SORCS2: variants seen among roughly 807,000 people sequenced by gnomAD.
SORCS2 encodes the protein VPS10 domain-containing receptor SorCS2.
In SORCS2, 100 loss-of-function variants were observed where a neutral mutation model predicts 141.6. The observed-to-expected ratio is 0.71, with a 90% CI of 0.60 to 0.83. The LOEUF (loss-of-function observed/expected upper bound fraction) is 0.83. SORCS2 is among the 40% of genes least tolerant of loss of function. The pLI is 0.00. For synonymous variants in SORCS2, 789 were observed against 676.9 expected (o/e 1.17, Z -2.57); for missense variants, 1,646 against 1,560.2 (o/e 1.05, Z -0.93).
intron 1 of SORCS2, among the ~76,000 whole-genome samples, chr4:7,218,801 A>G (rs903318092): frequency 6.6e-6 from 1 of 152,220 alleles, no homozygotes; most frequent in Non-Finnish European, 1.5e-5. Context: ...TGCCCGTACT[A>G]TGCCACCTTA....
chr4:7,414,943 C>G (rs1200979085), intron 2 of SORCS2, among the ~76,000 whole-genome samples: 3 of 141,942 alleles, frequency 2.1e-5, no homozygotes, highest in Non-Finnish European at 4.8e-5. Flanking sequence ...GTGAGGAGCC[C>G]TTAGTGTCTT....
At chr4:7,583,414 A>C (rs1159907934) in intron 3 of SORCS2, among the ~76,000 whole-genome samples, 1 of 152,162 alleles carries the variant, frequency 6.6e-6, no homozygotes, top group African/African-American at 2.4e-5. Flanking sequence ...CCGAAGTCAT[A>C]CCACCTCGTA....
chr4:7,318,835 A>G (rs987342797), intron 1 of SORCS2, among the ~76,000 whole-genome samples: 9 of 152,190 alleles, frequency 5.9e-5, no homozygotes, highest in Non-Finnish European at 1.2e-4. Flanking sequence ...CACCATCAAG[A>G]TATAGAATAA....
chr4:7,317,288 G>C (rs888001918), intron 1 of SORCS2, among the ~76,000 whole-genome samples: 2 of 152,208 alleles, frequency 1.3e-5, no homozygotes, highest in African/African-American at 4.8e-5. Context: ...CATGGAGGGG[G>C]CTGTTAAACC....
chr4:7,514,687 G>A lies in SORCS2; in HGVS notation c.549-16843G>A, dbSNP rs149001822. ...GTGTACAATGGACAGTGCTTAACTT[G>A]AAGCAGTGATGTTGATGACACCATG... On this transcript the variant is annotated intron_variant, in intron 2 of 26. Coordinates refer to ENST00000507866, the MANE Select transcript of SORCS2 (RefSeq NM_020777.3). 5.3e-3 allele frequency among the ~76,000 whole-genome samples: 814 copies of A among 152,234 alleles called. 4 individuals carry two copies. Among genetic ancestry groups the A allele is most frequent in the Middle Eastern group, 0.027 (8 of 294 alleles).
At chr4:7,682,679 T>C (rs1469261248) in intron 9 of SORCS2, 64 bp from the exon 10 acceptor site, 1 of 1,509,680 alleles carries the variant, frequency 6.6e-7, no homozygotes, top group African/African-American at 1.4e-5. Flanking sequence ...TGGAGCATGG[T>C]GGATACTTGG....
chr4:7,682,654 A>C, intron 9 of SORCS2, 89 bp from the exon 10 acceptor site: 1 of 1,319,160 alleles, frequency 7.6e-7, no homozygotes, highest in Non-Finnish European at 1.0e-6. Flanking sequence ...TGTGCAGAGC[A>C]CTTTAGCAAG....
chr4:7,377,147 T>C (rs1722707785), intron 1 of SORCS2, among the ~76,000 whole-genome samples: 1 of 152,192 alleles, frequency 6.6e-6, no homozygotes, highest in South Asian at 2.1e-4. Flanking sequence ...GTACCATGGG[T>C]ATTTTCTCAT....
At chr4:7,425,208 T>A (rs1380231157) in intron 2 of SORCS2, among the ~76,000 whole-genome samples, 4 of 152,230 alleles carry the variant, frequency 2.6e-5, no homozygotes, top group Admixed American at 2.6e-4. Flanking sequence ...TTTTGCTGAA[T>A]GTCCCAAATC....
At position 7,437,508 on chromosome 4, in the gene SORCS2, C is replaced by A. The variant is rs74792152; in HGVS notation, c.548+41153C>A. Among the ~76,000 whole-genome samples the A allele has an allele frequency of 2.0e-3, 312 of 152,278 alleles. 2 individuals carry two copies. Among genetic ancestry groups the A allele is most frequent in the African/African-American group, 7.0e-3 (289 of 41,548 alleles). On this transcript the variant is annotated intron_variant, in intron 2 of 26. Coordinates refer to ENST00000507866, the MANE Select transcript of SORCS2 (RefSeq NM_020777.3). The stretch of plus-strand genomic sequence containing the variant: ...CCTTCCCAGAGGCCAGGGGGTGGGG[C>A]TGGAAGTTCCAGTCCTCGAATGGCT...
chr4:7,433,623 G>C (rs767728929), intron 2 of SORCS2: 12 of 1,611,394 alleles, frequency 7.4e-6, no homozygotes, highest in South Asian at 1.1e-5. Flanking sequence ...AGGCCACCAG[G>C]ATGTCTCGCT....
At chr4:7,488,349 G>A (rs982560498) in intron 2 of SORCS2, among the ~76,000 whole-genome samples, 5 of 152,212 alleles carry the variant, frequency 3.3e-5, no homozygotes, top group East Asian at 1.9e-4. Context: ...ACAAACAGAG[G>A]ACTCTGAGCT....
chr4:7,734,241 G>A, intron 24 of SORCS2, 31 bp from the exon 25 acceptor site: 3 of 1,533,970 alleles, frequency 2.0e-6, no homozygotes, highest in Non-Finnish European at 2.7e-6. Context: ...CGGTGCCCGA[G>A]GTCCTCCACT....
chr4:7,193,018 C>G lies in SORCS2; in HGVS notation c.372C>G (p.Ala124=). Residue 124 remains alanine (A), a synonymous_variant, in exon 1 of 27, where the codon GCC becomes GCG. Coordinates refer to ENST00000507866, the MANE Select transcript of SORCS2 (RefSeq NM_020777.3). This position sits in a 1 kb window ranked among gnomAD's most constrained non-coding sequence, Gnocchi z 4.8. ...YRRWERAAPL[A]GVASRAQVSL... ...GCTGGGAGCGGGCGGCGCCGCTGGC[C>G]GGAGTGGCTTCGCGGGCGCAGGTCT... 1 of 1,492,812 alleles carries G rather than the reference C, an allele frequency of 6.7e-7. No individual in the cohort carries two copies. The highest frequency in any genetic ancestry group is 1.3e-5 in the South Asian group (1 of 79,616). The allele number at this position is 1,492,812 out of a possible 1,614,324, so 92.5% of individuals were successfully genotyped here.
chr4:7,666,810 G>A (rs181360556), intron 7 of SORCS2, among the ~76,000 whole-genome samples: 28 of 152,164 alleles, frequency 1.8e-4, no homozygotes, highest in African/African-American at 6.5e-4. Flanking sequence ...GCGCATCTTT[G>A]GCCTGTCTCC....
At position 7,609,902 on chromosome 4, in the gene SORCS2, A is replaced by C. The variant is rs76842855; in HGVS notation, c.649-28426A>C. ...CAATGCCATCTGCCCTGCACTTTGCATTTTATTTTTAGCGAATGCAGCCGG... is the reference window on the plus strand; with the variant it reads ...CAATGCCATCTGCCCTGCACTTTGCCTTTTATTTTTAGCGAATGCAGCCGG... On this transcript the variant is annotated intron_variant, in intron 3 of 26. Coordinates refer to ENST00000507866, the MANE Select transcript of SORCS2 (RefSeq NM_020777.3). Among the ~76,000 whole-genome samples, 391 of 152,258 alleles carry C rather than the reference A, an allele frequency of 2.6e-3. 1 individual carries two copies. The highest frequency in any genetic ancestry group is 8.7e-3 in the African/African-American group (362 of 41,550).
In SORCS2 at chr4:7,641,777, AATGGATGG is replaced by A. The variant is rs56032853; in HGVS notation, c.813+3318_813+3325del. Among the ~76,000 whole-genome samples the A allele has an allele frequency of 2.4e-3, 193 of 79,038 alleles. 1 individual carries two copies. The highest frequency in any genetic ancestry group is 5.4e-3 in the African/African-American group (166 of 30,726). The allele number at this position is 79,038 out of a possible 152,430, so 51.9% of individuals were successfully genotyped here. ...TGTATAGATGATGGATGGATGGATA[AATGGATGG>A]ATGGATGGATGGATGGATGGATGGA... is the stretch of plus-strand genomic sequence containing the variant. On this transcript the variant is annotated intron_variant, in intron 4 of 26. Transcript: ENST00000507866.
chr4:7,467,974 C>G (rs977714312), intron 2 of SORCS2, among the ~76,000 whole-genome samples: 6 of 152,216 alleles, frequency 3.9e-5, no homozygotes, highest in Admixed American at 3.9e-4. Flanking sequence ...TGGCTCTGTC[C>G]TCCTGGCTTC....
intron 18 of SORCS2, among the ~76,000 whole-genome samples, chr4:7,722,259 C>T (rs1432367425): frequency 1.3e-5 from 2 of 152,174 alleles, no homozygotes; most frequent in Admixed American, 1.3e-4. Flanking sequence ...GTGGAAGCAG[C>T]TCAGACTTGA....
Sources: gnomAD v4.1 joint callset for allele counts (sites outside exome capture counted in the v4.1 genomes callset) on GRCh38, gnomAD v4.1.1 for gene constraint, Gnocchi (gnomAD v3.1) non-coding constraint, MANE v1.5 for transcripts, NCBI Gene and HGNC (gene_info 2026-07-23, HGNC 2026-07-21) for gene names.